Variants in PEX5L observed in about 807,000 individuals in gnomAD.
PEX5L encodes the protein peroxisomal biogenesis factor 5 like.
PEX5L carries 30 observed loss-of-function variants against 84.0 expected under a neutral mutation model. That is an observed-to-expected ratio of 0.36 (90% confidence interval 0.27 to 0.48). The LOEUF (loss-of-function observed/expected upper bound fraction) is 0.48, where lower values mean the gene tolerates loss of function less well. PEX5L is among the 20% of genes least tolerant of loss of function. The pLI is 0.99. For synonymous variants in PEX5L, 270 were observed against 283.1 expected, an observed-to-expected ratio of 0.95 and a Z score of 0.46; for missense variants, 533 against 754.6, an observed-to-expected ratio of 0.71 and a Z score of 3.44.
intron 8 of PEX5L, among the ~76,000 whole-genome samples, chr3:179,853,572 G>A (rs1449144400): frequency 6.6e-6 from 1 of 152,108 alleles, no homozygotes; most frequent in Admixed American, 6.5e-5. Context: ...TCCTTCCTAG[G>A]GACCTAGTGG....
intron 1 of PEX5L, among the ~76,000 whole-genome samples, chr3:179,997,585 G>A (rs1788011838): frequency 2.0e-5 from 3 of 152,140 alleles, no homozygotes; most frequent in African/African-American, 4.8e-5. Flanking sequence ...TGCCACCATC[G>A]AGGACTTGAA....
intron 1 of PEX5L, among the ~76,000 whole-genome samples, chr3:180,008,581 T>A (rs1789135633): frequency 6.6e-6 from 1 of 152,160 alleles, no homozygotes; most frequent in African/African-American, 2.4e-5. Flanking sequence ...TACCCAAGAC[T>A]GGGAAGAAAA....
chr3:179,877,173 T>C (rs1480864505), intron 5 of PEX5L, among the ~76,000 whole-genome samples: 1 of 152,364 alleles, frequency 6.6e-6, no homozygotes, highest in East Asian at 1.9e-4. Context: ...CCTGGTTTAC[T>C]TCACTTAGCA....
chr3:180,001,803 T>C (rs1788445648), intron 1 of PEX5L, among the ~76,000 whole-genome samples: 1 of 152,176 alleles, frequency 6.6e-6, no homozygotes, highest in Admixed American at 6.5e-5. Flanking sequence ...CCCTTCCTGC[T>C]TCCCAGTACA....
chr3:179,811,969 C>A, intron 10 of PEX5L, 98 bp from the exon 11 acceptor site: 2 of 892,510 alleles, frequency 2.2e-6, no homozygotes, highest in South Asian at 1.3e-5. Flanking sequence ...CTATGCAGAG[C>A]AAGCTGTCTC....
chr3:179,873,117 C>T (rs1432086182), intron 7 of PEX5L, among the ~76,000 whole-genome samples: 2 of 152,138 alleles, frequency 1.3e-5, no homozygotes, highest in African/African-American at 4.8e-5. Context: ...TCTTCTCTGT[C>T]TGTGTCCTAC....
chr3:180,003,529 G>T (rs1042508284), intron 1 of PEX5L, among the ~76,000 whole-genome samples: 2 of 151,862 alleles, frequency 1.3e-5, no homozygotes, highest in Non-Finnish European at 2.9e-5. Context: ...ATGTAAACTG[G>T]AAAATGATAT....
At chr3:179,842,590 C>T (rs903825199) in intron 8 of PEX5L, among the ~76,000 whole-genome samples, 8 of 151,892 alleles carry the variant, frequency 5.3e-5, no homozygotes, top group Admixed American at 3.3e-4. Flanking sequence ...AGCATCTACC[C>T]AGAATATGCT....
intron 1 of PEX5L, among the ~76,000 whole-genome samples, chr3:179,977,653 C>T (rs1490478843): frequency 6.6e-6 from 1 of 152,134 alleles, no homozygotes; most frequent in Non-Finnish European, 1.5e-5. Flanking sequence ...CTTTCAAGGA[C>T]GTAAGCTCAA....
intron 2 of PEX5L, among the ~76,000 whole-genome samples, chr3:179,923,680 C>A (rs1770534861): frequency 6.6e-6 from 1 of 152,192 alleles, no homozygotes. Context: ...AGCTTTCCCA[C>A]TTAGTAGCAG....
chr3:179,866,670 C>T (rs1354292604), intron 7 of PEX5L, among the ~76,000 whole-genome samples: 3 of 152,116 alleles, frequency 2.0e-5, no homozygotes, highest in African/African-American at 7.2e-5. Context: ...CATTTAAACA[C>T]TTTCCTCATT....
intron 1 of PEX5L, among the ~76,000 whole-genome samples, chr3:179,972,063 GT>G (rs1162964981): frequency 5.3e-5 from 8 of 152,134 alleles, no homozygotes; most frequent in African/African-American, 1.9e-4. Flanking sequence ...ACTATTCAAT[GT>G]TTTGTTTTAA....
chr3:179,972,510 C>T lies in PEX5L; in HGVS notation c.22-845G>A, dbSNP rs568534214. Among the ~76,000 whole-genome samples the T allele has an allele frequency of 5.1e-4, 77 of 152,026 alleles. No individual in the cohort carries two copies. The South Asian group carries it at 0.015, about 30-fold the overall frequency. Reference sequence around the variant, plus strand: ...GAAATGTCATGTTGTGTCTTCATACCAGCAACAAATGAAAAATAAAAACCA... The same window carrying T: ...GAAATGTCATGTTGTGTCTTCATACTAGCAACAAATGAAAAATAAAAACCA... On this transcript the variant is annotated intron_variant, in intron 1 of 14. Coordinates refer to ENST00000467460, the MANE Select transcript of PEX5L (RefSeq NM_016559.3).
At chr3:180,014,728 A>G (rs1406064920) in intron 1 of PEX5L, among the ~76,000 whole-genome samples, 1 of 152,148 alleles carries the variant, frequency 6.6e-6, no homozygotes, top group African/African-American at 2.4e-5. Flanking sequence ...GTATAATACT[A>G]CTGGAAAAAA....
intron 2 of PEX5L, among the ~76,000 whole-genome samples, chr3:179,953,774 G>A (rs1779734437): frequency 1.3e-5 from 2 of 152,094 alleles, no homozygotes; most frequent in Non-Finnish European, 2.9e-5. Context: ...CAAAAGCAAA[G>A]GTGCAAACAG....
chr3:179,796,030 C>G lies in PEX5L; in HGVS notation c.*5798G>C, dbSNP rs1452791380. 1 of 152,124 alleles carries G rather than the reference C, an allele frequency of 6.6e-6. No individual in the cohort carries two copies. The highest frequency in any genetic ancestry group is 2.4e-5 in the African/African-American group (1 of 41,434). 9.4% of individuals were successfully genotyped at this position (152,124 alleles called of 1,614,324 possible). The stretch of plus-strand genomic sequence containing the variant: ...TGTAGTCCATCATGAACACATTTCT[C>G]ACATGGCAGAATTCTTGTATGGTAT... On this transcript the variant is annotated 3_prime_UTR_variant, in exon 15 of 15. Transcript: ENST00000467460.
chr3:179,855,893 C>A (rs1743744917), intron 8 of PEX5L, among the ~76,000 whole-genome samples: 1 of 152,210 alleles, frequency 6.6e-6, no homozygotes, highest in Non-Finnish European at 1.5e-5. Flanking sequence ...CAATACATTT[C>A]TACTACTTAT....
At chr3:179,890,390 T>C (rs376191459) in intron 3 of PEX5L, among the ~76,000 whole-genome samples, 8 of 152,224 alleles carry the variant, frequency 5.3e-5, no homozygotes, top group African/African-American at 1.7e-4. Context: ...TAGGTCTTAT[T>C]TACCCATTGG....
intron 2 of PEX5L, among the ~76,000 whole-genome samples, chr3:179,955,481 T>C (rs7619201): frequency 0.18 from 4,081 of 22,718 alleles, 207 homozygotes; most frequent in African/African-American, 0.41. Flanking sequence ...CTATGCTCTT[T>C]TTTTTTTTTT....
Sources: gnomAD v4.1 joint callset for allele counts (sites outside exome capture counted in the v4.1 genomes callset) on GRCh38, gnomAD v4.1.1 for gene constraint, MANE v1.5 for transcripts, NCBI Gene and HGNC (gene_info 2026-07-23, HGNC 2026-07-21) for gene names.